TRA2B: variants seen among roughly 807,000 people sequenced by gnomAD.
TRA2B encodes the protein transformer-2 protein homolog beta.
Under a neutral mutation model 41.7 loss-of-function variants are expected in TRA2B, and 14 were observed. The ratio of observed to expected loss-of-function variants is 0.34; its 90% CI spans 0.22 to 0.53. The LOEUF is 0.53. Among genes scored for constraint, TRA2B ranks in the 20% least tolerant of loss-of-function variants. The pLI is 0.95. For synonymous variants in TRA2B, 130 were observed against 128.8 expected, an observed-to-expected ratio of 1.01 and a Z score of -0.06; for missense variants, 167 against 396.8, an observed-to-expected ratio of 0.42 and a Z score of 4.92.
chr3:185,921,245 T>G (rs1384699709), intron 5 of TRA2B, 58 bp from the exon 6 acceptor site: 8 of 1,440,122 alleles, frequency 5.6e-6, no homozygotes, highest in Non-Finnish European at 7.8e-6. Flanking sequence ...TGAGTTTTTA[T>G]ATCTACTAGT....
At chr3:185,925,417 A>T in intron 3 of TRA2B, 47 bp downstream of exon 3, 1 of 1,593,462 alleles carries the variant, frequency 6.3e-7, no homozygotes, top group Non-Finnish European at 8.5e-7. Context: ...TTTAAGAAAA[A>T]GTAAATTTAG....
chr3:185,920,548 T>G (rs1432467802), intron 6 of TRA2B, among the ~76,000 whole-genome samples: 1 of 152,180 alleles, frequency 6.6e-6, no homozygotes, highest in African/African-American at 2.4e-5. Flanking sequence ...TTGCTTTCAC[T>G]ATGTATTCAT....
chr3:185,918,290 C>CTGAT, intron 8 of TRA2B, 75 bp downstream of exon 8: 4 of 1,076,002 alleles, frequency 3.7e-6, no homozygotes, highest in Non-Finnish European at 5.5e-6. Context: ...AATCCATTAT[C>CTGAT]TGATAAAGGG....
chr3:185,929,247 T>C (rs970687155), intron 1 of TRA2B, among the ~76,000 whole-genome samples: 1 of 152,194 alleles, frequency 6.6e-6, no homozygotes, highest in South Asian at 2.1e-4. Context: ...GAAATACATA[T>C]GGCAAGGGAA....
At chr3:185,921,953 A>G in intron 5 of TRA2B, 58 bp downstream of exon 5, 1 of 1,299,312 alleles carries the variant, frequency 7.7e-7, no homozygotes, top group Non-Finnish European at 1.1e-6. Flanking sequence ...CACTAATACA[A>G]GTGTTTCTTT....
chr3:185,915,894 A>G lies in TRA2B; in HGVS notation c.*1821T>C, dbSNP rs986273244. The G allele has an allele frequency of 3.3e-5, 5 of 152,058 alleles. No individual in the cohort carries two copies. The highest frequency in any genetic ancestry group is 7.4e-5 in the Non-Finnish European group (5 of 68,022). The allele number at this position is 152,058 out of a possible 1,614,324, so 9.4% of individuals were successfully genotyped here. ...TCAGGAAAGGATGCCTGTATATACT[A>G]CCACGATAAAACCAGGTTTCTCAGC... On this transcript the variant is annotated 3_prime_UTR_variant, in exon 9 of 9. Coordinates refer to ENST00000453386, the MANE Select transcript of TRA2B (RefSeq NM_004593.3).
intron 1 of TRA2B, chr3:185,936,667 TAA>T: frequency 1.0e-6 from 1 of 975,362 alleles, no homozygotes; most frequent in Non-Finnish European, 1.2e-6. Flanking sequence ...GAAACTTAGG[TAA>T]CAAATTGTTT....
chr3:185,920,150 T>TACC (rs1458653110), intron 6 of TRA2B, among the ~76,000 whole-genome samples: 3 of 152,224 alleles, frequency 2.0e-5, no homozygotes, highest in Non-Finnish European at 4.4e-5. Context: ...AAAAGCCACA[T>TACC]ACCCTTGTCA....
chr3:185,934,382 C>T lies in TRA2B; in HGVS notation c.36+3443G>A, dbSNP rs545912528. 1.9e-4 allele frequency: 185 copies of T among 985,408 alleles called. No homozygotes were observed. The South Asian group carries it at 6.3e-3, about 34-fold the overall frequency. The allele number at this position is 985,408 out of a possible 1,614,324, so 61.0% of individuals were successfully genotyped here. On this transcript the variant is annotated intron_variant, in intron 1 of 8. Transcript: ENST00000453386. Reference sequence around the variant, plus strand: ...GCAAATCCCATTAACACTTCCCCCACCACCTGAATTCCTTTTCAACCTTTT... The same window carrying T: ...GCAAATCCCATTAACACTTCCCCCATCACCTGAATTCCTTTTCAACCTTTT...
intron 1 of TRA2B, among the ~76,000 whole-genome samples, chr3:185,933,518 A>C (rs1021031343): frequency 1.4e-4 from 22 of 152,186 alleles, no homozygotes; most frequent in African/African-American, 5.1e-4. Context: ...AATCCATTTA[A>C]CATTAAACAT....
chr3:185,927,260 T>C (rs1743987183), intron 1 of TRA2B: 1 of 152,222 alleles, frequency 6.6e-6, no homozygotes, highest in Non-Finnish European at 1.5e-5. Flanking sequence ...TTTCAAATCC[T>C]AGAGAAAAGC....
intron 6 of TRA2B, 41 bp from the exon 7 acceptor site, chr3:185,919,537 TAAGTTTTAAA>T: frequency 1.3e-6 from 2 of 1,551,912 alleles, no homozygotes; most frequent in Non-Finnish European, 1.8e-6. Flanking sequence ...ATTCAGTTTG[TAAGTTTTAAA>T]AAATTATGTC....
intron 1 of TRA2B, chr3:185,934,399 C>T: frequency 2.0e-6 from 2 of 985,414 alleles, no homozygotes; most frequent in Non-Finnish European, 2.4e-6. Context: ...AATTCCTTTT[C>T]AACCTTTTGG....
At chr3:185,926,111 G>C (rs1388838446) in intron 2 of TRA2B, among the ~76,000 whole-genome samples, 1 of 151,696 alleles carries the variant, frequency 6.6e-6, no homozygotes, top group Non-Finnish European at 1.5e-5. Flanking sequence ...AAGGGGTGCT[G>C]TTAATTATGC....
chr3:185,926,430 C>G (rs1328321983), intron 2 of TRA2B, among the ~76,000 whole-genome samples, 171 bp downstream of exon 2: 1 of 152,162 alleles, frequency 6.6e-6, no homozygotes, highest in Non-Finnish European at 1.5e-5. Flanking sequence ...CTCCAAAAGC[C>G]CAGGCTCTTA....
chr3:185,924,177 A>C, intron 3 of TRA2B, 193 bp from the exon 4 acceptor site: 1 of 435,898 alleles, frequency 2.3e-6, no homozygotes, highest in East Asian at 3.7e-5. Context: ...GAAAGAATGC[A>C]AAAGAAAAAA....
intron 1 of TRA2B, chr3:185,935,509 C>T: frequency 2.0e-6 from 2 of 985,374 alleles, no homozygotes; most frequent in African/African-American, 1.7e-5. Context: ...CAAACTCCTA[C>T]AGTCACTGGA....
chr3:185,920,808 C>T (rs1385000646), intron 6 of TRA2B, among the ~76,000 whole-genome samples: 2 of 152,008 alleles, frequency 1.3e-5, no homozygotes, highest in East Asian at 1.9e-4. Context: ...GGATTACAGG[C>T]GTGAGCTACT....
chr3:185,926,207 C>T (rs1016818293), intron 2 of TRA2B, among the ~76,000 whole-genome samples: 6 of 145,898 alleles, frequency 4.1e-5, no homozygotes, highest in South Asian at 2.2e-4. Flanking sequence ...AAAAAAAAAG[C>T]GCACCATATA....
Sources: gnomAD v4.1 joint callset for allele counts (sites outside exome capture counted in the v4.1 genomes callset) on GRCh38, gnomAD v4.1.1 for gene constraint, MANE v1.5 for transcripts, NCBI Gene and HGNC (gene_info 2026-07-23, HGNC 2026-07-21) for gene names.